The following L3MBTL3 variants were observed in gnomAD, a reference collection of about 807,000 sequenced individuals.
L3MBTL3 encodes lethal(3)malignant brain tumor-like protein 3.
A neutral mutation model predicts 102.3 loss-of-function variants in L3MBTL3; 27 were observed. The observed-to-expected ratio is 0.26, with a 90% CI of 0.19 to 0.36. The LOEUF (loss-of-function observed/expected upper bound fraction) is 0.36. L3MBTL3 is among the 10% of genes least tolerant of loss of function. The pLI, the probability that L3MBTL3 is intolerant of heterozygous loss-of-function variation, is 1.00. For missense variants in L3MBTL3, 798 were observed against 955.3 expected (o/e 0.84, Z 2.17); for synonymous variants, 340 against 320.9 (o/e 1.06, Z -0.64).
rs919081868 is a variant in L3MBTL3, at chr6:130,052,879, A to T, written c.470A>T (p.Asp157Val). 1 of 1,613,802 alleles carries T rather than the reference A, an allele frequency of 6.2e-7. No homozygotes were observed. Among genetic ancestry groups the T allele is most frequent in the Non-Finnish European group, 8.5e-7 (1 of 1,179,716 alleles). ...AACAGAGATCAGAAGGAAGAAAGGG[A>T]CGTAGAAGAAGACAATGAGGAAGAA... ...IKDKDQKEER[D>V]VEEDNEEEDP... The change falls in exon 7 of 23, where the codon GAC (aspartate) becomes GTC (valine). Residue 157 changes from aspartate to valine, a missense_variant. Around this residue, in one of 4 missense-constraint regions of L3MBTL3, gnomAD observed 434 missense variants for 506.6 expected, o/e 0.86. Transcript: ENST00000361794.
At chr6:130,110,389 C>T (rs989339524) in intron 19 of L3MBTL3, among the ~76,000 whole-genome samples, 32 of 152,158 alleles carry the variant, frequency 2.1e-4, no homozygotes, top group African/African-American at 6.8e-4. Context: ...GTTTGTAGTT[C>T]GCCTTGAAGA....
At chr6:130,116,199 T>C (rs17705725) in intron 19 of L3MBTL3, among the ~76,000 whole-genome samples, 9,703 of 152,306 alleles carry the variant, frequency 0.064, 454 homozygotes, top group Non-Finnish European at 0.1. Context: ...TAGGAATAGC[T>C]GCTGTGCATC....
rs755072952 is a variant in L3MBTL3 at position 130,094,415 on chromosome 6, A to G, written c.1736+48A>G. On this transcript the variant is annotated intron_variant, in intron 18 of 22. Transcript: ENST00000361794. The stretch of plus-strand genomic sequence containing the variant: ...TTGGTCAGATATAGGTGTTCCATAT[A>G]CATGTATATATAATGAATTTCATAT... 3.3e-6 allele frequency: 4 copies of G among 1,198,196 alleles called. No individual in the cohort carries two copies. In the South Asian group the frequency reaches 5.4e-5, roughly 16 times the overall value. 74.2% of individuals were successfully genotyped at this position (1,198,196 alleles called of 1,614,324 possible).
At chr6:130,062,376 G>T (rs1204241035) in intron 10 of L3MBTL3, among the ~76,000 whole-genome samples, 1 of 150,314 alleles carries the variant, frequency 6.7e-6, no homozygotes, top group South Asian at 2.1e-4. Context: ...ACACACGCGC[G>T]CACACACACA....
chr6:130,052,476 G>A (rs1163739802), intron 6 of L3MBTL3, among the ~76,000 whole-genome samples: 1 of 152,162 alleles, frequency 6.6e-6, no homozygotes, highest in Non-Finnish European at 1.5e-5. Context: ...AATTGGATTT[G>A]TCATTCTTAA....
At position 130,067,885 on chromosome 6, in the gene L3MBTL3, A is replaced by G. The variant is rs902549536; in HGVS notation, c.1001-445A>G. 2.6e-5 allele frequency among the ~76,000 whole-genome samples: 4 copies of G among 152,328 alleles called. No individual in the cohort carries two copies. In the South Asian group the frequency reaches 6.2e-4, roughly 24 times the overall value. ...CTTAAATTGTCCTTCTTGAAGTGAT[A>G]GGCCAAAAAGATTTTACCTGTTTCA... On this transcript the variant is annotated intron_variant, in intron 11 of 22. Coordinates refer to ENST00000361794, the MANE Select transcript of L3MBTL3 (RefSeq NM_032438.4).
chr6:130,058,648 A>G (rs1781686721), intron 9 of L3MBTL3, among the ~76,000 whole-genome samples: 2 of 152,178 alleles, frequency 1.3e-5, no homozygotes, highest in South Asian at 2.1e-4. Context: ...AGGGCCAGAT[A>G]GTAAATATGT....
intron 20 of L3MBTL3, among the ~76,000 whole-genome samples, chr6:130,131,202 G>A (rs931706514): frequency 6.7e-6 from 1 of 149,850 alleles, no homozygotes; most frequent in African/African-American, 2.5e-5. Flanking sequence ...GTAGAAATAA[G>A]CCCTTTACAA....
intron 20 of L3MBTL3, among the ~76,000 whole-genome samples, chr6:130,124,177 C>T (rs540724030): frequency 6.6e-6 from 1 of 152,256 alleles, no homozygotes; most frequent in South Asian, 2.1e-4. Context: ...ATTGACCAAT[C>T]CTCGGATGTT....
Position 130,039,601 on chromosome 6 carries a change from TTA to T in L3MBTL3, c.-15-3072_-15-3071del, listed in dbSNP as rs148663274. 3.2e-3 allele frequency among the ~76,000 whole-genome samples: 480 copies of T among 149,894 alleles called. 7 individuals carry two copies. Among genetic ancestry groups the T allele is most frequent in the African/African-American group, 0.011 (450 of 41,240 alleles). ...CTCAAAGAGGTATTGTTTTTATAGTTTATATATATATATTTGCTATATTAGAA... is the reference window on the plus strand; with the variant it reads ...CTCAAAGAGGTATTGTTTTTATAGTTTATATATATATTTGCTATATTAGAA... On this transcript the variant is annotated intron_variant, in intron 2 of 22. Coordinates refer to ENST00000361794, the MANE Select transcript of L3MBTL3 (RefSeq NM_032438.4).
chr6:130,123,213 T>C (rs1048333241), intron 20 of L3MBTL3, among the ~76,000 whole-genome samples: 3 of 152,190 alleles, frequency 2.0e-5, no homozygotes, highest in Admixed American at 6.5e-5. Flanking sequence ...TTCTCTTCTT[T>C]ATTTGGTAGT....
chr6:130,134,350 TG>T (rs1442609484), intron 22 of L3MBTL3, among the ~76,000 whole-genome samples: 1 of 152,330 alleles, frequency 6.6e-6, no homozygotes, highest in East Asian at 1.9e-4. Context: ...ATTAGCATTA[TG>T]TCTAAAAAAA....
At chr6:130,060,389 G>A (rs1221121461) in intron 10 of L3MBTL3, among the ~76,000 whole-genome samples, 2 of 152,116 alleles carry the variant, frequency 1.3e-5, no homozygotes, top group Non-Finnish European at 1.5e-5. Flanking sequence ...CTTCAAAGTG[G>A]TAGAACCCGG....
chr6:130,135,062 G>GT (rs1222223100), intron 22 of L3MBTL3, among the ~76,000 whole-genome samples: 3 of 128,842 alleles, frequency 2.3e-5, no homozygotes, highest in African/African-American at 8.8e-5. Flanking sequence ...TTCATTTTCT[G>GT]TTTTTTCCTT....
At chr6:130,109,478 CAT>C (rs1364575148) in intron 19 of L3MBTL3, among the ~76,000 whole-genome samples, 1 of 152,146 alleles carries the variant, frequency 6.6e-6, no homozygotes, top group Non-Finnish European at 1.5e-5. Flanking sequence ...CTTGTTTTCA[CAT>C]GTTTGTTGGC....
At chr6:130,028,378 G>A (rs944751184) in intron 2 of L3MBTL3, among the ~76,000 whole-genome samples, 2 of 152,124 alleles carry the variant, frequency 1.3e-5, no homozygotes, top group Admixed American at 6.5e-5. Context: ...AGATGGAACC[G>A]CTGTAATGAC....
chr6:130,081,486 T>G (rs1218637105), intron 14 of L3MBTL3, among the ~76,000 whole-genome samples: 1 of 152,040 alleles, frequency 6.6e-6, no homozygotes, highest in African/African-American at 2.4e-5. Flanking sequence ...TGGTACAATC[T>G]TGGCTCACTG....
chr6:130,049,857 T>C, intron 5 of L3MBTL3, 27 bp downstream of exon 5: 1 of 1,592,452 alleles, frequency 6.3e-7, no homozygotes, highest in South Asian at 1.1e-5. Flanking sequence ...ATGTCTGAAA[T>C]GCAATTCATT....
At chr6:130,099,990 A>G (rs938646867) in intron 18 of L3MBTL3, among the ~76,000 whole-genome samples, 8 of 152,182 alleles carry the variant, frequency 5.3e-5, no homozygotes, top group African/African-American at 1.9e-4. Flanking sequence ...GTTCATTGTC[A>G]TGGGTTAGGA....
Sources: allele counts gnomAD v4.1 joint callset (sites outside exome capture counted in the v4.1 genomes callset), GRCh38; gene constraint gnomAD v4.1.1; regional missense constraint gnomAD v4.1.1; transcripts MANE v1.5; gene names NCBI Gene and HGNC (gene_info 2026-07-23, HGNC 2026-07-21).